RBM20: variants seen among roughly 807,000 people sequenced by gnomAD.
RBM20 encodes RNA-binding protein 20.
RBM20 carries 51 observed loss-of-function variants against 110.1 expected under a neutral mutation model. That is an observed-to-expected ratio of 0.46 (90% CI 0.37 to 0.59). The LOEUF (loss-of-function observed/expected upper bound fraction) is 0.59, where lower values mean the gene tolerates loss of function less well. RBM20 is among the 20% of genes least tolerant of loss of function. The pLI is 0.00. For missense variants in RBM20, 1,512 were observed against 1,574.9 expected, an observed-to-expected ratio of 0.96 and a Z score of 0.68; for synonymous variants, 589 against 618.2, an observed-to-expected ratio of 0.95 and a Z score of 0.70.
At chr10:110,694,998 C>T (rs1162665816) in intron 1 of RBM20, among the ~76,000 whole-genome samples, 4 of 152,148 alleles carry the variant, frequency 2.6e-5, no homozygotes, top group Non-Finnish European at 2.9e-5. Flanking sequence ...GTCCTTACCT[C>T]TTGAGTTACA....
At chr10:110,740,440 G>A (rs1463488270) in intron 1 of RBM20, among the ~76,000 whole-genome samples, 1 of 152,148 alleles carries the variant, frequency 6.6e-6, no homozygotes, top group African/African-American at 2.4e-5. Flanking sequence ...GGCAAGGGTG[G>A]GGGCTGGGAA....
At position 110,780,801 on chromosome 10, in the gene RBM20, T is replaced by C; in HGVS notation, c.192T>C (p.Asn64=). 6.6e-7 allele frequency: 1 copy of C among 1,511,624 alleles called. No homozygotes were observed. The allele number at this position is 1,511,624 out of a possible 1,614,324, so 93.6% of individuals were successfully genotyped here. The change falls in exon 2 of 14, where the codon AAT becomes AAC. Residue 64 remains asparagine (N), a splice_region_variant and synonymous_variant. Transcript: ENST00000369519. ...PQAGLPQIIQ[N]AAKLLDKNPF... ...CATCTAGACCTCTGTCTTCCCACAG[T>C]GCCGCCAAGCTCCTGGACAAGAACC...
intron 1 of RBM20, among the ~76,000 whole-genome samples, chr10:110,671,534 G>A (rs568563943): frequency 8.5e-5 from 13 of 152,106 alleles, no homozygotes; most frequent in Non-Finnish European, 1.5e-4. Context: ...TAACCTACCT[G>A]TGCCTCAGTT....
chr10:110,807,376 G>A (rs1466225444), intron 7 of RBM20, among the ~76,000 whole-genome samples: 2 of 152,204 alleles, frequency 1.3e-5, no homozygotes, highest in Non-Finnish European at 2.9e-5. Context: ...GCTCTTCTAA[G>A]CTCACTCTAA....
At chr10:110,776,175 A>C (rs1844260399) in intron 1 of RBM20, among the ~76,000 whole-genome samples, 1 of 152,090 alleles carries the variant, frequency 6.6e-6, no homozygotes, top group Non-Finnish European at 1.5e-5. Context: ...ACATTCCCAG[A>C]GGGTCTTTGG....
At chr10:110,789,269 G>T (rs1844455767) in intron 5 of RBM20, among the ~76,000 whole-genome samples, 1 of 152,118 alleles carries the variant, frequency 6.6e-6, no homozygotes, top group South Asian at 2.1e-4. Flanking sequence ...TATCCGAACT[G>T]CCACAAAATC....
intron 5 of RBM20, among the ~76,000 whole-genome samples, chr10:110,785,607 G>A (rs1287833658): frequency 6.6e-6 from 1 of 152,100 alleles, no homozygotes; most frequent in Non-Finnish European, 1.5e-5. Context: ...TTGTTGTCAA[G>A]CGTTTGTAGT....
intron 1 of RBM20, among the ~76,000 whole-genome samples, chr10:110,740,950 C>G (rs1367009959): frequency 6.6e-6 from 1 of 152,136 alleles, no homozygotes; most frequent in Admixed American, 6.5e-5. Flanking sequence ...GCTCTCATTA[C>G]CTGGGCTTCA....
chr10:110,752,920 C>CATATATATATATATAT (rs760317651), intron 1 of RBM20, among the ~76,000 whole-genome samples: 1 of 125,226 alleles, frequency 8.0e-6, no homozygotes, highest in African/African-American at 3.2e-5. Context: ...TATATTTATA[C>CATATATATATATATAT]ATATATATAT....
intron 1 of RBM20, among the ~76,000 whole-genome samples, chr10:110,731,615 C>A (rs1182694051): frequency 6.6e-6 from 1 of 151,564 alleles, no homozygotes; most frequent in East Asian, 2.0e-4. Flanking sequence ...TTTTCAGAAG[C>A]CTTTTATACT....
At chr10:110,767,769 AT>A (rs905558986) in intron 1 of RBM20, among the ~76,000 whole-genome samples, 6 of 150,176 alleles carry the variant, frequency 4.0e-5, no homozygotes, top group African/African-American at 1.5e-4. Flanking sequence ...CCTAGATGGG[AT>A]GGCAGCCGAG....
chr10:110,688,621 A>T (rs1021606365), intron 1 of RBM20, among the ~76,000 whole-genome samples: 1 of 151,222 alleles, frequency 6.6e-6, no homozygotes, highest in Non-Finnish European at 1.5e-5. Flanking sequence ...TCCTGCATTT[A>T]AAAAAAAAGC....
Position 110,797,655 on chromosome 10 carries a change from C to T in RBM20, c.1668+7C>T, listed in dbSNP as rs1180773117. 6.4e-7 allele frequency: 1 copy of T among 1,551,646 alleles called. No individual in the cohort carries two copies. On this transcript the variant is annotated splice_region_variant and intron_variant, in intron 6 of 13. Transcript: ENST00000369519. ...CATGAAGTCGACTAATCAGGTAGGTCTGGGTACTTTCACTCCAGTGTATAT... is the reference window on the plus strand; with the variant it reads ...CATGAAGTCGACTAATCAGGTAGGTTTGGGTACTTTCACTCCAGTGTATAT...
intron 1 of RBM20, among the ~76,000 whole-genome samples, chr10:110,745,212 G>A (rs1398971550): frequency 6.6e-6 from 1 of 152,198 alleles, no homozygotes; most frequent in East Asian, 1.9e-4. Context: ...CACTGCCTCT[G>A]CTGTAAAGAC....
chr10:110,684,311 T>C (rs993428019), intron 1 of RBM20, among the ~76,000 whole-genome samples: 2 of 152,042 alleles, frequency 1.3e-5, no homozygotes, highest in East Asian at 1.9e-4. Context: ...GGAGAATCGT[T>C]TGAACCCGGG....
At chr10:110,758,708 G>T (rs1283735206) in intron 1 of RBM20, among the ~76,000 whole-genome samples, 2 of 152,222 alleles carry the variant, frequency 1.3e-5, no homozygotes, top group Non-Finnish European at 2.9e-5. Context: ...CCCTTGAAAT[G>T]TGGCTAACGC....
chr10:110,819,384 G>C (rs1190220370), intron 9 of RBM20, among the ~76,000 whole-genome samples: 1 of 152,336 alleles, frequency 6.6e-6, no homozygotes, highest in East Asian at 1.9e-4. Flanking sequence ...ACAAAAACAG[G>C]CTGTAGGTCA....
intron 1 of RBM20, among the ~76,000 whole-genome samples, chr10:110,757,628 G>T (rs1843938049): frequency 6.6e-6 from 1 of 152,228 alleles, no homozygotes; most frequent in African/African-American, 2.4e-5. Flanking sequence ...TGCTATATTA[G>T]AGGATATTTT....
intron 1 of RBM20, among the ~76,000 whole-genome samples, chr10:110,772,290 G>T (rs910444702): frequency 6.6e-6 from 1 of 152,170 alleles, no homozygotes; most frequent in Admixed American, 6.5e-5. Flanking sequence ...AGGGATATAG[G>T]TAAGAGAGCC....
Sources: allele counts gnomAD v4.1 joint callset (sites outside exome capture counted in the v4.1 genomes callset), GRCh38; gene constraint gnomAD v4.1.1; transcripts MANE v1.5; gene names NCBI Gene and HGNC (gene_info 2026-07-23, HGNC 2026-07-21).